Variants in TTI1 observed in about 807,000 individuals in gnomAD.
The protein encoded by TTI1 is TELO2-interacting protein 1 homolog.
Under a neutral mutation model 85.4 loss-of-function variants are expected in TTI1, and 52 were observed. That is an observed-to-expected ratio of 0.61 (90% CI 0.49 to 0.77). The LOEUF (loss-of-function observed/expected upper bound fraction) is 0.77. TTI1 is among the 30% of genes least tolerant of loss of function. TTI1 has a pLI of 0.00. For synonymous variants in TTI1, 512 were observed against 503.9 expected, an observed-to-expected ratio of 1.02 and a Z score of -0.22; for missense variants, 1,173 against 1,296.0, an observed-to-expected ratio of 0.91 and a Z score of 1.46.
At chr20:38,020,327 T>A (rs373782414) in intron 1 of TTI1, among the ~76,000 whole-genome samples, 4,497 of 70,746 alleles carry the variant, frequency 0.064, 176 homozygotes, top group Admixed American at 0.11. Flanking sequence ...AAAAAAAATA[T>A]ATATATATAT....
intron 7 of TTI1, among the ~76,000 whole-genome samples, chr20:37,989,272 A>G (rs1600601756): frequency 6.6e-6 from 1 of 152,342 alleles, no homozygotes; most frequent in East Asian, 1.9e-4. Context: ...TAACGCCAAC[A>G]TGCATACTCA....
Position 38,006,381 on chromosome 20 carries a change from G to T in TTI1, c.2319C>A (p.Asp773Glu), listed in dbSNP as rs1294207188. Residue 773 changes from aspartate (D) to glutamate (E), a missense_variant, in exon 3 of 8, where the codon GAC (aspartate) becomes GAA (glutamate). Coordinates refer to ENST00000373447, the MANE Select transcript of TTI1 (RefSeq NM_001303457.2). Reference protein sequence around the residue: ...LMAALAQWFPDTGNLGHLQEQ... With the variant: ...LMAALAQWFPETGNLGHLQEQ... ...CTTGGAGGTGCCCAAGATTACCTGT[G>T]TCTGGGAACCACTGGGCTGTAAATA... is the stretch of plus-strand genomic sequence containing the variant. The T allele has an allele frequency of 8.1e-6, 13 of 1,614,028 alleles. No homozygotes were observed. Among genetic ancestry groups the T allele is most frequent in the Non-Finnish European group, 1.1e-5 (13 of 1,180,044 alleles).
At chr20:38,029,605 G>A (rs926930267) in intron 1 of TTI1, among the ~76,000 whole-genome samples, 1 of 151,848 alleles carries the variant, frequency 6.6e-6, no homozygotes. Context: ...GAGAAGAGAC[G>A]AGACACTGAT....
chr20:37,995,535 G>A (rs1600611445), intron 7 of TTI1, among the ~76,000 whole-genome samples: 1 of 151,814 alleles, frequency 6.6e-6, no homozygotes, highest in Admixed American at 6.5e-5. Context: ...GAGCGGCACA[G>A]AGTGCCAGGC....
At chr20:38,015,473 C>A (rs569806563) in intron 1 of TTI1, among the ~76,000 whole-genome samples, 1 of 152,206 alleles carries the variant, frequency 6.6e-6, no homozygotes, top group East Asian at 1.9e-4. Flanking sequence ...CCAGAGGCTG[C>A]TTTGCCACCT....
intron 3 of TTI1, among the ~76,000 whole-genome samples, chr20:38,005,504 A>C (rs1218668252): frequency 6.6e-6 from 1 of 152,184 alleles, no homozygotes; most frequent in African/African-American, 2.4e-5. Flanking sequence ...AGGAAAAAAA[A>C]CCTGTTAGGA....
chr20:38,005,965 A>T, intron 3 of TTI1: 1 of 488,894 alleles, frequency 2.0e-6, no homozygotes, highest in Non-Finnish European at 3.7e-6. Context: ...CAATAAGCAG[A>T]GTTGCTTATA....
At chr20:37,990,089 C>A (rs1404892967) in intron 7 of TTI1, among the ~76,000 whole-genome samples, 1 of 152,174 alleles carries the variant, frequency 6.6e-6, no homozygotes, top group Non-Finnish European at 1.5e-5. Context: ...AGCACAGAGC[C>A]ACTCTGAAAG....
chr20:38,014,317 G>C (rs1037221727), intron 1 of TTI1, among the ~76,000 whole-genome samples: 5 of 152,142 alleles, frequency 3.3e-5, no homozygotes, highest in African/African-American at 1.2e-4. Context: ...TGTTTGTATA[G>C]AACAATGTAA....
intron 2 of TTI1, among the ~76,000 whole-genome samples, chr20:38,010,004 G>A (rs2073559604): frequency 6.6e-6 from 1 of 152,086 alleles, no homozygotes; most frequent in Non-Finnish European, 1.5e-5. Flanking sequence ...CTAATGATTT[G>A]TTTACTTGTT....
intron 1 of TTI1, among the ~76,000 whole-genome samples, chr20:38,022,205 G>A (rs1446669156): frequency 6.6e-6 from 1 of 152,166 alleles, no homozygotes; most frequent in Non-Finnish European, 1.5e-5. Flanking sequence ...CAGGGCCTTT[G>A]CACTTGCTGT....
Position 38,002,554 on chromosome 20 carries a change from G to A in TTI1, c.2652+74C>T, listed in dbSNP as rs530185909. 5.5e-5 allele frequency: 86 copies of A among 1,577,872 alleles called. 1 individual carries two copies. In the Middle Eastern group the frequency reaches 6.9e-4, roughly 13 times the overall value. ...GATAAGGGGAGCTACGTGCTCATCC[G>A]TGTAGCCACTGCCAACCAGGCCACA... On this transcript the variant is annotated intron_variant, in intron 4 of 7. Coordinates refer to ENST00000373447, the MANE Select transcript of TTI1 (RefSeq NM_001303457.2).
intron 6 of TTI1, 38 bp downstream of exon 6, chr20:37,996,711 T>G: frequency 6.3e-7 from 1 of 1,576,118 alleles, no homozygotes; most frequent in Non-Finnish European, 8.6e-7. Flanking sequence ...AGACAGATGC[T>G]AAGTGTGTGT....
intron 7 of TTI1, among the ~76,000 whole-genome samples, chr20:37,992,434 G>A (rs1187805660): frequency 1.3e-5 from 2 of 151,900 alleles, no homozygotes; most frequent in Non-Finnish European, 2.9e-5. Context: ...ACACCACCAC[G>A]CCTGGCTAAT....
In TTI1 at chr20:38,006,276, G is replaced by C; in HGVS notation, c.2424C>G (p.Asp808Glu). Residue 808 changes from aspartate to glutamate, a missense_variant, in exon 3 of 8, where the codon GAC becomes GAG. Transcript: ENST00000373447. ...ALEKSTTTAE[D>E]IEQFLLNYLK... ...GGTAGTTCAGCAAAAACTGTTCGAT[G>C]TCTTCAGCTGTGGTGGTGCTCTTCT... 1.2e-6 allele frequency: 2 copies of C among 1,614,184 alleles called. No individual in the cohort carries two copies. The highest frequency in any genetic ancestry group is 8.5e-7 in the Non-Finnish European group (1 of 1,180,036).
Position 38,012,438 on chromosome 20 carries a change from G to C in TTI1, c.1379C>G (p.Pro460Arg). The change falls in exon 2 of 8, where the codon CCA (proline) becomes CGA (arginine). Residue 460 changes from proline (P) to arginine (R), a missense_variant. Coordinates refer to ENST00000373447, the MANE Select transcript of TTI1 (RefSeq NM_001303457.2). Reference protein sequence around the residue: ...RWNSDDLNASPKTSATQPWNR... With the variant: ...RWNSDDLNASRKTSATQPWNR... ...CCAAGGCTGTGTGGCTGAGGTCTTTGGAGAAGCATTCAGATCATCAGAGTT... is the reference window on the plus strand; with the variant it reads ...CCAAGGCTGTGTGGCTGAGGTCTTTCGAGAAGCATTCAGATCATCAGAGTT... The C allele has an allele frequency of 2.5e-6, 4 of 1,614,194 alleles. No individual in the cohort carries two copies. Among genetic ancestry groups the C allele is most frequent in the Non-Finnish European group, 3.4e-6 (4 of 1,180,032 alleles).
chr20:38,024,637 G>A (rs1600655319), intron 1 of TTI1, among the ~76,000 whole-genome samples: 1 of 152,058 alleles, frequency 6.6e-6, no homozygotes. Context: ...GACAACAAAC[G>A]CTCTACTCCA....
chr20:38,003,729 G>A (rs183481375), intron 3 of TTI1, among the ~76,000 whole-genome samples: 142 of 150,302 alleles, frequency 9.4e-4, no homozygotes, highest in African/African-American at 3.1e-3. Context: ...TCCAGCCTGG[G>A]CAACAACAGC....
intron 7 of TTI1, among the ~76,000 whole-genome samples, chr20:37,994,337 G>A (rs896295265): frequency 6.6e-6 from 1 of 152,268 alleles, no homozygotes; most frequent in South Asian, 2.1e-4. Context: ...GTTTCATCAT[G>A]TTGGCCAGGC....
Sources: allele counts gnomAD v4.1 joint callset (sites outside exome capture counted in the v4.1 genomes callset), GRCh38; gene constraint gnomAD v4.1.1; transcripts MANE v1.5; gene names NCBI Gene and HGNC (gene_info 2026-07-23, HGNC 2026-07-21).